The following ZNG1B variants were observed in gnomAD, a reference collection of about 807,000 sequenced individuals.
The protein encoded by ZNG1B is zinc-regulated GTPase metalloprotein activator 1B.
chr2:113,471,829 T>G, the ZNG1B span, among the ~76,000 whole-genome samples: 1 of 152,044 alleles, frequency 6.6e-6, no homozygotes, highest in Non-Finnish European at 1.5e-5. Context: ...TTTTTATGGC[T>G]GCATAGTATT....
At chr2:113,489,455 A>C in the ZNG1B span, among the ~76,000 whole-genome samples, 1 of 152,082 alleles carries the variant, frequency 6.6e-6, no homozygotes, top group Non-Finnish European at 1.5e-5. Context: ...AACAACAAAA[A>C]CCAGAAAAAC....
chr2:113,475,418 A>C, the ZNG1B span, among the ~76,000 whole-genome samples: 1 of 150,950 alleles, frequency 6.6e-6, no homozygotes, highest in Non-Finnish European at 1.5e-5. Flanking sequence ...AATACAGCAC[A>C]CTGATGGGTC....
the ZNG1B span, among the ~76,000 whole-genome samples, chr2:113,446,305 T>C: frequency 6.6e-6 from 1 of 152,166 alleles, no homozygotes; most frequent in Non-Finnish European, 1.5e-5. Flanking sequence ...ATTGTAGTTA[T>C]AAAAAATCTT....
At chr2:113,438,976 G>A in the ZNG1B span, 7 of 1,466,114 alleles carry the variant, frequency 4.8e-6, no homozygotes, top group African/African-American at 4.3e-5. Context: ...TTTTTGCTCG[G>A]AAGTAATTTT....
the ZNG1B span, chr2:113,466,586 A>T: frequency 2.9e-5 from 29 of 985,310 alleles, no homozygotes; most frequent in Non-Finnish European, 3.5e-5. Flanking sequence ...TTGCCAGTGC[A>T]TCTGAGAATC....
chr2:113,460,691 C>A, the ZNG1B span: 1 of 1,594,450 alleles, frequency 6.3e-7, no homozygotes, highest in Non-Finnish European at 8.5e-7. Context: ...AGAAGAGAAA[C>A]CTGATGGCCT....
the ZNG1B span, among the ~76,000 whole-genome samples, chr2:113,479,451 C>CT: frequency 8.6e-4 from 130 of 151,004 alleles, no homozygotes; most frequent in African/African-American, 3.0e-3. Context: ...TAAAAATGGT[C>CT]TTTTTTTCCC....
At chr2:113,453,633 G>T in the ZNG1B span, among the ~76,000 whole-genome samples, 2 of 151,136 alleles carry the variant, frequency 1.3e-5, no homozygotes, top group African/African-American at 4.9e-5. Context: ...TTGCATTGTT[G>T]TTCTTTTCAC....
At chr2:113,470,778 A>G in the ZNG1B span, 1 of 518,486 alleles carries the variant, frequency 1.9e-6, no homozygotes, top group Non-Finnish European at 3.4e-6. Context: ...TTTTTTAGCT[A>G]TAAAAATGTA....
the ZNG1B span, chr2:113,469,991 C>CTTTT: frequency 2.3e-5 from 3 of 132,796 alleles, no homozygotes; most frequent in African/African-American, 8.6e-5. Context: ...CTCTGCTGTT[C>CTTTT]TTTTTTTTTT....
chr2:113,475,346 A>G, the ZNG1B span, among the ~76,000 whole-genome samples: 2 of 151,932 alleles, frequency 1.3e-5, no homozygotes, highest in African/African-American at 2.4e-5. Context: ...TGCTTAGTAG[A>G]TTTTCCTCCA....
the ZNG1B span, among the ~76,000 whole-genome samples, chr2:113,477,203 C>T: frequency 0.035 from 5,250 of 149,284 alleles, no homozygotes; most frequent in African/African-American, 0.067. Context: ...GAGCCAGGTG[C>T]GGGATATAAT....
At chr2:113,448,314 A>G in the ZNG1B span, among the ~76,000 whole-genome samples, 1 of 152,166 alleles carries the variant, frequency 6.6e-6, no homozygotes, top group Admixed American at 6.5e-5. Flanking sequence ...TTTTCTAAGC[A>G]GTAGATCTCA....
the ZNG1B span, among the ~76,000 whole-genome samples, chr2:113,471,752 G>C: frequency 6.6e-6 from 1 of 151,146 alleles, no homozygotes; most frequent in South Asian, 2.1e-4. Context: ...TTGTTCTTGC[G>C]ATAGTTTATG....
the ZNG1B span, among the ~76,000 whole-genome samples, chr2:113,440,541 C>A: frequency 1.1e-4 from 17 of 152,030 alleles, no homozygotes; most frequent in African/African-American, 3.4e-4. Context: ...TATAAGCCTT[C>A]ATCTCTTAAA....
chr2:113,483,813 A>C, the ZNG1B span, among the ~76,000 whole-genome samples: 1 of 140,906 alleles, frequency 7.1e-6, no homozygotes, highest in African/African-American at 2.6e-5. Flanking sequence ...GTATGTACCT[A>C]TTGCCCTTGG....
chr2:113,473,852 G>C, the ZNG1B span, among the ~76,000 whole-genome samples: 1 of 140,236 alleles, frequency 7.1e-6, no homozygotes, highest in Non-Finnish European at 1.5e-5. Flanking sequence ...TGATCATGGT[G>C]GATAAGCTTT....
At chr2:113,456,749 G>A in the ZNG1B span, among the ~76,000 whole-genome samples, 7 of 152,248 alleles carry the variant, frequency 4.6e-5, no homozygotes, top group Admixed American at 3.3e-4. Flanking sequence ...TTTCTAAGTC[G>A]GATGCCAGAT....
chr2:113,473,601 C>T, the ZNG1B span, among the ~76,000 whole-genome samples: 13 of 151,038 alleles, frequency 8.6e-5, no homozygotes, highest in Non-Finnish European at 1.8e-4. Flanking sequence ...TTTGCCCATT[C>T]AGTATGATAT....
Sources: allele counts gnomAD v4.1 joint callset (sites outside exome capture counted in the v4.1 genomes callset), GRCh38; gene constraint gnomAD v4.1.1; transcripts MANE v1.5; gene names NCBI Gene and HGNC (gene_info 2026-07-23, HGNC 2026-07-21).